Variants in U2SURP observed in about 807,000 individuals in gnomAD.
U2SURP encodes the protein U2 snRNP-associated SURP motif-containing protein.
U2SURP carries 9 observed loss-of-function variants against 144.9 expected under a neutral mutation model. That is an observed-to-expected ratio of 0.06 (90% confidence interval 0.04 to 0.11). The LOEUF (loss-of-function observed/expected upper bound fraction) is 0.11, where lower values mean the gene tolerates loss of function less well. Ranked by LOEUF, U2SURP falls within the 10% of genes least tolerant of loss-of-function variation. The pLI is 1.00. For synonymous variants in U2SURP, 408 were observed against 396.8 expected (o/e 1.03, Z -0.33); for missense variants, 724 against 1,226.7 (o/e 0.59, Z 6.12).
intron 24 of U2SURP, among the ~76,000 whole-genome samples, chr3:143,046,290 AT>A (rs1314890479): frequency 7.3e-5 from 4 of 55,142 alleles, no homozygotes; most frequent in African/African-American, 2.0e-4. Flanking sequence ...TTTTTAGTTT[AT>A]TTTTTATTTT....
At chr3:143,016,800 T>C (rs1936391775) in intron 5 of U2SURP, 42 bp from the exon 6 acceptor site, 1 of 1,468,582 alleles carries the variant, frequency 6.8e-7, no homozygotes, top group African/African-American at 1.5e-5. Context: ...TAAAGAAAAA[T>C]ATTGCGAAAT....
chr3:143,028,574 A>G lies in U2SURP; in HGVS notation c.1538A>G (p.His513Arg), dbSNP rs760690516. Residue 513 changes from histidine (H) to arginine (R), a missense_variant, in exon 16 of 28, where the codon CAT (histidine) becomes CGT (arginine). His to Arg is a conservative substitution (Grantham distance 29). Coordinates refer to ENST00000473835, the MANE Select transcript of U2SURP (RefSeq NM_001080415.2). ...CCACCACCATTAAATCCGTACTTGC[A>G]TGGAATGTCAGAAGAGCAAGAAACA... ...WRPPPLNPYL[H>R]GMSEEQETEA... is the part of the protein sequence containing the mutation. 30 of 1,601,718 alleles carry G rather than the reference A, an allele frequency of 1.9e-5. No homozygotes were observed. Among genetic ancestry groups the G allele is most frequent in the Non-Finnish European group, 2.4e-5 (28 of 1,176,862 alleles).
chr3:143,034,201 C>T lies in U2SURP; in HGVS notation c.1854-687C>T, dbSNP rs566569201. On this transcript the variant is annotated intron_variant, in intron 18 of 27. Coordinates refer to ENST00000473835, the MANE Select transcript of U2SURP (RefSeq NM_001080415.2). ...GGCTGATTACCTGAGGTCAGAAGTT[C>T]GAGACCACCCTGGCCAACGTGGTGA... Among the ~76,000 whole-genome samples, 9 of 152,212 alleles carry T rather than the reference C, an allele frequency of 5.9e-5. No individual in the cohort carries two copies. In the South Asian group the frequency reaches 1.7e-3, roughly 28 times the overall value.
intron 10 of U2SURP, 164 bp downstream of exon 10, chr3:143,021,719 C>A: frequency 1.5e-6 from 1 of 645,298 alleles, no homozygotes; most frequent in Non-Finnish European, 2.7e-6. Flanking sequence ...GCCACATATT[C>A]TTGTTTCCTC....
At chr3:143,052,261 G>A (rs1934913423) in intron 25 of U2SURP, among the ~76,000 whole-genome samples, 1 of 152,128 alleles carries the variant, frequency 6.6e-6, no homozygotes, top group Non-Finnish European at 1.5e-5. Flanking sequence ...GGGTGTGGTG[G>A]CACATGCCTG....
intron 24 of U2SURP, among the ~76,000 whole-genome samples, 199 bp from the exon 25 acceptor site, chr3:143,050,740 C>T (rs1230327810): frequency 6.6e-6 from 1 of 152,058 alleles, no homozygotes. Context: ...GTTTTTGAGT[C>T]CTCTCATGAC....
intron 24 of U2SURP, among the ~76,000 whole-genome samples, chr3:143,047,297 C>T (rs1934554743): frequency 3.1e-5 from 1 of 32,332 alleles, no homozygotes; most frequent in African/African-American, 2.9e-4. Context: ...CCCTCCCGGA[C>T]GGGGCGGCTG....
At chr3:143,038,837 ACTG>A in intron 22 of U2SURP, 54 bp from the exon 23 acceptor site, 1 of 1,299,118 alleles carries the variant, frequency 7.7e-7, no homozygotes, top group South Asian at 1.5e-5. Flanking sequence ...CCACTGTACT[ACTG>A]AAAAAATGCT....
chr3:143,053,863 T>C, intron 26 of U2SURP, 69 bp downstream of exon 26: 1 of 1,246,408 alleles, frequency 8.0e-7, no homozygotes. Context: ...TATAATACTT[T>C]CATCATTGAT....
chr3:143,022,449 T>C, intron 10 of U2SURP, 48 bp from the exon 11 acceptor site: 1 of 1,432,560 alleles, frequency 7.0e-7, no homozygotes. Flanking sequence ...AAATAATTTT[T>C]TCTTTTCCCT....
In U2SURP at chr3:143,058,229, C is replaced by T. The variant is rs1006629773; in HGVS notation, c.*1779C>T. On this transcript the variant is annotated 3_prime_UTR_variant, in exon 28 of 28. Transcript: ENST00000473835. The stretch of plus-strand genomic sequence containing the variant: ...CGTGTCGAGTTGGTGGTGATTTTGG[C>T]ATTCCATCTTGCACTGGTTTCTAGT... 1.3e-5 allele frequency: 2 copies of T among 151,976 alleles called. No individual in the cohort carries two copies. Among genetic ancestry groups the T allele is most frequent in the African/African-American group, 4.8e-5 (2 of 41,408 alleles). The allele number at this position is 151,976 out of a possible 1,614,324, so 9.4% of individuals were successfully genotyped here.
At position 143,035,938 on chromosome 3, in the gene U2SURP, A is replaced by G. The variant is rs146065529; in HGVS notation, c.1942-44A>G. On this transcript the variant is annotated intron_variant, in intron 19 of 27. Transcript: ENST00000473835. ...TCTCATGAACTGAAATTTGAGACAT[A>G]TAGCCCAAAATAAAAGTTTGTTGTC... 134 of 1,552,750 alleles carry G rather than the reference A, an allele frequency of 8.6e-5. No homozygotes were observed. The African/African-American group carries it at 1.7e-3, about 19-fold the overall frequency.
Position 143,051,069 on chromosome 3 carries a change from A to G in U2SURP, c.2655+20A>G, listed in dbSNP as rs1934829699. The G allele has an allele frequency of 7.1e-7, 1 of 1,416,340 alleles. No homozygotes were observed. Among genetic ancestry groups the G allele is most frequent in the Non-Finnish European group, 9.8e-7 (1 of 1,019,446 alleles). The allele number at this position is 1,416,340 out of a possible 1,614,324, so 87.7% of individuals were successfully genotyped here. ...CAACGAGTAAGGAATAAGTATACCC[A>G]ATAATACACATATTTTGAAGTTATT... On this transcript the variant is annotated intron_variant, in intron 25 of 27. Coordinates refer to ENST00000473835, the MANE Select transcript of U2SURP (RefSeq NM_001080415.2).
rs1345412500 is a variant in U2SURP at position 143,014,182 on chromosome 3, CT to C, written c.223-125del. On this transcript the variant is annotated intron_variant, in intron 3 of 27. Transcript: ENST00000473835. Reference sequence around the variant, plus strand: ...CACCTGATGTGTAGAGTAGCCCCAACTTTTCTTTACAATGAAATTTAAAAAA... The same window carrying C: ...CACCTGATGTGTAGAGTAGCCCCAACTTTCTTTACAATGAAATTTAAAAAA... 3 of 507,622 alleles carry C rather than the reference CT, an allele frequency of 5.9e-6. No individual in the cohort carries two copies. The Admixed American group carries it at 1.2e-4, about 21-fold the overall frequency. 31.4% of individuals were successfully genotyped at this position (507,622 alleles called of 1,614,324 possible).
chr3:143,017,698 C>T (rs1200413397), intron 6 of U2SURP, among the ~76,000 whole-genome samples: 1 of 151,974 alleles, frequency 6.6e-6, no homozygotes, highest in Non-Finnish European at 1.5e-5. Flanking sequence ...ACGGCTCCTG[C>T]AGCCTCAACC....
chr3:143,055,494 T>C (rs1051034972), intron 27 of U2SURP, among the ~76,000 whole-genome samples: 1 of 152,190 alleles, frequency 6.6e-6, no homozygotes, highest in Non-Finnish European at 1.5e-5. Context: ...TAGCAAGTTC[T>C]TGGGTAGATA....
intron 1 of U2SURP, among the ~76,000 whole-genome samples, chr3:143,004,313 GATTAA>G (rs1935704423): frequency 7.0e-6 from 1 of 143,292 alleles, no homozygotes; most frequent in Admixed American, 7.0e-5. Flanking sequence ...ATTATAAAAA[GATTAA>G]ATTAGATAAC....
intron 25 of U2SURP, among the ~76,000 whole-genome samples, chr3:143,053,149 A>G (rs1578177198): frequency 6.6e-6 from 1 of 152,156 alleles, no homozygotes; most frequent in East Asian, 1.9e-4. Flanking sequence ...TTATAGTTAG[A>G]GGGATCACTT....
intron 6 of U2SURP, among the ~76,000 whole-genome samples, chr3:143,018,927 AAAAC>A (rs370695478): frequency 0.015 from 2,276 of 152,258 alleles, 23 homozygotes; most frequent in Non-Finnish European, 0.014. Flanking sequence ...CTCCATCTCA[AAAAC>A]AAACAAACAA....
Sources: gnomAD v4.1 joint callset for allele counts (sites outside exome capture counted in the v4.1 genomes callset) on GRCh38, gnomAD v4.1.1 for gene constraint, MANE v1.5 for transcripts, NCBI Gene and HGNC (gene_info 2026-07-23, HGNC 2026-07-21) for gene names.